The following SEC14L5 variants were observed in gnomAD, a reference collection of about 807,000 sequenced individuals.
SEC14L5 encodes the protein SEC14-like protein 5.
Under a neutral mutation model 84.6 loss-of-function variants are expected in SEC14L5, and 96 were observed. The observed-to-expected ratio is 1.13, with a 90% CI of 0.96 to 1.34. The LOEUF is 1.34. Among genes scored for constraint, SEC14L5 ranks in the 40% most tolerant of loss-of-function variants. The probability of loss-of-function intolerance (pLI) is 0.00; values close to 1 mark genes in which losing one functional copy is unlikely to be tolerated. For synonymous variants in SEC14L5, 546 were observed against 383.4 expected (o/e 1.42, Z -4.95); for missense variants, 1,224 against 942.5 (o/e 1.30, Z -3.91).
At chr16:4,966,267 C>CTTTTTTT (rs1019686741) in intron 2 of SEC14L5, among the ~76,000 whole-genome samples, 7 of 78,790 alleles carry the variant, frequency 8.9e-5, no homozygotes, top group East Asian at 4.0e-4. Context: ...CGCCCGGCCT[C>CTTTTTTT]TTTTTTTTTT....
chr16:5,014,776 C>T, intron 15 of SEC14L5, 83 bp from the exon 16 acceptor site: 1 of 1,046,116 alleles, frequency 9.6e-7, no homozygotes, highest in Non-Finnish European at 1.4e-6. Context: ...TTTGCAGCAT[C>T]AACAGCTTTT....
chr16:5,011,274 G>A lies in SEC14L5; in HGVS notation c.1979+1G>A. ...AGGTGCTCGCCTCTGAGGACTTCAG[G>A]TAGGAGGGCTCCGGAGCGGGGTCCT... On this transcript the variant is annotated splice_donor_variant, in intron 15 of 15. Transcript: ENST00000251170. LOFTEE classifies it high-confidence loss of function. 6.2e-7 allele frequency: 1 copy of A among 1,610,622 alleles called. No individual in the cohort carries two copies. Among genetic ancestry groups the A allele is most frequent in the East Asian group, 2.2e-5 (1 of 44,778 alleles).
chr16:4,970,000 T>C (rs548284617), intron 2 of SEC14L5, among the ~76,000 whole-genome samples: 2 of 152,132 alleles, frequency 1.3e-5, no homozygotes, highest in African/African-American at 4.8e-5. Context: ...GTATCTTTTG[T>C]ATAGAAGGGT....
chr16:4,997,551 A>G (rs1955625715), intron 8 of SEC14L5, among the ~76,000 whole-genome samples: 1 of 152,210 alleles, frequency 6.6e-6, no homozygotes, highest in African/African-American at 2.4e-5. Context: ...ACATTTCTCC[A>G]CTGGGCTGAG....
chr16:4,974,824 C>G (rs1955321350), intron 2 of SEC14L5, among the ~76,000 whole-genome samples: 1 of 152,096 alleles, frequency 6.6e-6, no homozygotes, highest in South Asian at 2.1e-4. Context: ...GTCACCCAGG[C>G]TGGAGTACAG....
At position 5,013,347 on chromosome 16, in the gene SEC14L5, C is replaced by G. The variant is rs116198272; in HGVS notation, c.1980-1512C>G. 4.3e-3 allele frequency among the ~76,000 whole-genome samples: 655 copies of G among 152,056 alleles called. 10 individuals carry two copies. The highest frequency in any genetic ancestry group is 0.015 in the African/African-American group (616 of 41,494). On this transcript the variant is annotated intron_variant, in intron 15 of 15. Coordinates refer to ENST00000251170, the MANE Select transcript of SEC14L5 (RefSeq NM_014692.2). ...ATGGAACGTGACACTGGACTGAGAT[C>G]TAAGTAGTGTGGTGGTCACACAAGT...
At chr16:4,983,921 A>G (rs951920545) in intron 2 of SEC14L5, among the ~76,000 whole-genome samples, 44 of 151,806 alleles carry the variant, frequency 2.9e-4, no homozygotes, top group African/African-American at 1.0e-3. Context: ...AATAAATAGT[A>G]TATGTATACA....
intron 2 of SEC14L5, among the ~76,000 whole-genome samples, chr16:4,977,182 C>G (rs1180297435): frequency 6.6e-6 from 1 of 152,108 alleles, no homozygotes; most frequent in Admixed American, 6.5e-5. Context: ...TGCAGTGGCT[C>G]ACGCCTGTAA....
chr16:5,003,338 G>A (rs1955696563), intron 10 of SEC14L5, 64 bp from the exon 11 acceptor site: 2 of 1,293,982 alleles, frequency 1.5e-6, no homozygotes, highest in South Asian at 2.4e-5. Flanking sequence ...TCCCCTGTGG[G>A]GAGGGTGTTG....
intron 2 of SEC14L5, among the ~76,000 whole-genome samples, chr16:4,961,936 G>A (rs1435530188): frequency 6.6e-6 from 1 of 151,808 alleles, no homozygotes; most frequent in African/African-American, 2.4e-5. Context: ...TATGTTTATC[G>A]ACCACTTATT....
At position 4,996,930 on chromosome 16, in the gene SEC14L5, C is replaced by T. The variant is rs200586557; in HGVS notation, c.856C>T (p.Arg286Cys). ...CCTGGACAAGGCCCGGGAAATGCTG[C>T]GCCAGTCCTTGAGCTGGCGCAAGCA... ...FHLDKAREML[R>C]QSLSWRKQHQ... The change falls in exon 8 of 16, where the codon CGC becomes TGC. Residue 286 changes from arginine (R) to cysteine (C), a missense_variant. Coordinates refer to ENST00000251170, the MANE Select transcript of SEC14L5 (RefSeq NM_014692.2). 7.7e-5 allele frequency: 124 copies of T among 1,613,612 alleles called. No individual in the cohort carries two copies. Among genetic ancestry groups the T allele is most frequent in the Non-Finnish European group, 8.7e-5 (103 of 1,179,630 alleles).
intron 14 of SEC14L5, among the ~76,000 whole-genome samples, chr16:5,010,721 C>G (rs1481760777): frequency 2.0e-5 from 3 of 152,194 alleles, no homozygotes; most frequent in African/African-American, 7.2e-5. Context: ...CAAATTCTCT[C>G]TAAGCACCTG....
chr16:4,964,790 G>A (rs35988779), intron 2 of SEC14L5, among the ~76,000 whole-genome samples: 41,462 of 151,506 alleles, frequency 0.27, 5,777 homozygotes, highest in Admixed American at 0.35. Context: ...GGGTGCAGTG[G>A]CCTGATGTTG....
intron 11 of SEC14L5, among the ~76,000 whole-genome samples, chr16:5,005,478 C>T (rs977006013): frequency 2.0e-5 from 3 of 151,976 alleles, no homozygotes; most frequent in African/African-American, 7.3e-5. Flanking sequence ...GAGGTGCTGG[C>T]TGCACAAGCT....
At chr16:4,985,447 C>G (rs1412445353) in intron 2 of SEC14L5, among the ~76,000 whole-genome samples, 1 of 152,130 alleles carries the variant, frequency 6.6e-6, no homozygotes, top group Non-Finnish European at 1.5e-5. Context: ...AGGCTGGTCT[C>G]TAGCTCCTGA....
intron 8 of SEC14L5, 78 bp from the exon 9 acceptor site, chr16:5,000,577 C>T: frequency 9.0e-7 from 1 of 1,113,076 alleles, no homozygotes; most frequent in South Asian, 1.4e-5. Flanking sequence ...GAAGCTCTCA[C>T]CTGCAGCTGT....
rs961350125 is a variant in SEC14L5, at chr16:5,017,636, T to A, written c.*2666T>A. The stretch of plus-strand genomic sequence containing the variant: ...CTGGCAAGGAACTAGGGTCCCGTGA[T>A]TGACATTCCCTGCAGAAGCCGCAGC... On this transcript the variant is annotated 3_prime_UTR_variant, in exon 16 of 16. Transcript: ENST00000251170. 1 of 152,202 alleles carries A rather than the reference T, an allele frequency of 6.6e-6. No individual in the cohort carries two copies. The highest frequency in any genetic ancestry group is 2.4e-5 in the African/African-American group (1 of 41,450). The allele number at this position is 152,202 out of a possible 1,614,324, so 9.4% of individuals were successfully genotyped here.
intron 4 of SEC14L5, 68 bp downstream of exon 4, chr16:4,988,348 G>C (rs1000591963): frequency 2.1e-5 from 33 of 1,568,458 alleles, no homozygotes; most frequent in Non-Finnish European, 1.8e-5. Flanking sequence ...CCTGTGCCCA[G>C]AGCTGTGTCC....
chr16:4,977,852 G>A (rs1344001336), intron 2 of SEC14L5, among the ~76,000 whole-genome samples: 1 of 151,522 alleles, frequency 6.6e-6, no homozygotes. Context: ...TCAGGCTGGA[G>A]TACAGTGGCA....
Sources: gnomAD v4.1 joint callset for allele counts (sites outside exome capture counted in the v4.1 genomes callset) on GRCh38, gnomAD v4.1.1 for gene constraint, MANE v1.5 for transcripts, NCBI Gene and HGNC (gene_info 2026-07-23, HGNC 2026-07-21) for gene names.